Variants in KCNAB1 observed in about 807,000 individuals in gnomAD.
KCNAB1 encodes the protein potassium voltage-gated channel subfamily A regulatory beta subunit 1.
In KCNAB1, 35 loss-of-function variants were observed where a neutral mutation model predicts 64.6. That is an observed-to-expected ratio of 0.54 (90% CI 0.41 to 0.72). KCNAB1 has a LOEUF of 0.72. KCNAB1 is among the 30% of genes least tolerant of loss of function. KCNAB1 has a pLI of 0.00. For missense variants in KCNAB1, 401 were observed against 512.9 expected (o/e 0.78, Z 2.11); for synonymous variants, 177 against 183.8 (o/e 0.96, Z 0.30).
At chr3:156,174,182 G>A (rs1414667784) in intron 1 of KCNAB1, among the ~76,000 whole-genome samples, 1 of 152,112 alleles carries the variant, frequency 6.6e-6, no homozygotes, top group Non-Finnish European at 1.5e-5. Context: ...TACATTTGGG[G>A]ACAAAGATAT....
intron 1 of KCNAB1, chr3:156,142,877 C>T: frequency 1.7e-6 from 1 of 596,706 alleles, no homozygotes. Context: ...TTTTTTTTCC[C>T]CAGGGCCAGT....
intron 1 of KCNAB1, among the ~76,000 whole-genome samples, chr3:156,334,933 C>G (rs547255493): frequency 1.0e-3 from 159 of 152,344 alleles, no homozygotes; most frequent in South Asian, 1.7e-3. Context: ...ATACTGCCAT[C>G]ATTGCACTGG....
At chr3:156,194,370 T>A (rs928435783) in intron 1 of KCNAB1, among the ~76,000 whole-genome samples, 18 of 152,152 alleles carry the variant, frequency 1.2e-4, no homozygotes, top group Non-Finnish European at 2.2e-4. Flanking sequence ...AATTACAGAT[T>A]GAAAAGTTTT....
At chr3:156,529,278 A>G (rs759090103) in intron 12 of KCNAB1, among the ~76,000 whole-genome samples, 5 of 152,210 alleles carry the variant, frequency 3.3e-5, no homozygotes, top group Non-Finnish European at 7.3e-5. Flanking sequence ...AATGTCCAGA[A>G]AAGACAAATC....
chr3:156,152,649 G>A (rs1321795256), intron 1 of KCNAB1, among the ~76,000 whole-genome samples: 1 of 152,174 alleles, frequency 6.6e-6, no homozygotes, highest in Admixed American at 6.5e-5. Flanking sequence ...GTAGAGTGTG[G>A]GTGTAAAATG....
chr3:156,336,627 T>C (rs1403758659), intron 1 of KCNAB1, among the ~76,000 whole-genome samples: 4 of 152,242 alleles, frequency 2.6e-5, no homozygotes, highest in African/African-American at 9.6e-5. Flanking sequence ...TTTGTACATA[T>C]GTGTTCATGG....
At chr3:156,302,707 C>T (rs1380632929) in intron 1 of KCNAB1, among the ~76,000 whole-genome samples, 1 of 152,168 alleles carries the variant, frequency 6.6e-6, no homozygotes, top group Non-Finnish European at 1.5e-5. Flanking sequence ...CTTCCCTCAG[C>T]CCCTCACTAA....
At chr3:156,262,339 A>G (rs200454997) in intron 1 of KCNAB1, among the ~76,000 whole-genome samples, 1 of 151,820 alleles carries the variant, frequency 6.6e-6, no homozygotes, top group East Asian at 1.9e-4. Flanking sequence ...TTTCATGGAG[A>G]CACTCTTTCA....
At chr3:156,482,131 C>T (rs1714864676) in intron 8 of KCNAB1, among the ~76,000 whole-genome samples, 1 of 151,650 alleles carries the variant, frequency 6.6e-6, no homozygotes, top group Non-Finnish European at 1.5e-5. Context: ...CCCTTTTTTT[C>T]CTCCTAAAAT....
At position 156,537,033 on chromosome 3, in the gene KCNAB1, G is replaced by A. The variant is rs528346222; in HGVS notation, c.*286G>A. The A allele has an allele frequency of 4.3e-6, 2 of 467,470 alleles. No individual in the cohort carries two copies. The highest frequency in any genetic ancestry group is 7.5e-6 in the Non-Finnish European group (2 of 266,982). 29.0% of individuals were successfully genotyped at this position (467,470 alleles called of 1,614,324 possible). ...CAATGGGAAGAATATGGGGGCCAGG[G>A]GGTGTGGTACTACCTTCAGGCATTT... On this transcript the variant is annotated 3_prime_UTR_variant, in exon 14 of 14. Transcript: ENST00000490337.
intron 1 of KCNAB1, among the ~76,000 whole-genome samples, chr3:156,198,275 G>T (rs977755390): frequency 8.5e-5 from 13 of 152,170 alleles, no homozygotes; most frequent in African/African-American, 2.9e-4. Flanking sequence ...TTGCTTTGGG[G>T]TGGAGAGTTC....
intron 1 of KCNAB1, among the ~76,000 whole-genome samples, chr3:156,412,381 T>TA (rs1378115561): frequency 2.0e-5 from 3 of 152,198 alleles, no homozygotes; most frequent in Admixed American, 1.3e-4. Context: ...CTTATTGTAC[T>TA]ATGACAGTGA....
chr3:156,448,232 C>T (rs1559889511), intron 2 of KCNAB1, among the ~76,000 whole-genome samples: 1 of 152,166 alleles, frequency 6.6e-6, no homozygotes, highest in Non-Finnish European at 1.5e-5. Flanking sequence ...TTAGTAAAAT[C>T]ATCTTGTAAA....
chr3:156,258,073 GA>G (rs889534678), intron 1 of KCNAB1, among the ~76,000 whole-genome samples: 2 of 152,182 alleles, frequency 1.3e-5, no homozygotes, highest in African/African-American at 4.8e-5. Context: ...AAGTACAGAA[GA>G]AAGAGAGTCT....
chr3:156,338,303 C>CTTTTTTTTTTTTTTT (rs34671816), intron 1 of KCNAB1, among the ~76,000 whole-genome samples: 1,233 of 39,418 alleles, frequency 0.031, 338 homozygotes, highest in Non-Finnish European at 0.043. Flanking sequence ...GGCATTTGCA[C>CTTTTTTTTTTTTTTT]TTTTTTTTTT....
chr3:156,425,158 C>T (rs1005457599), intron 2 of KCNAB1, among the ~76,000 whole-genome samples: 1 of 152,196 alleles, frequency 6.6e-6, no homozygotes, highest in East Asian at 1.9e-4. Flanking sequence ...AGCTCAGTCA[C>T]GACCTACGTT....
intron 1 of KCNAB1, among the ~76,000 whole-genome samples, chr3:156,235,631 G>A (rs1716800821): frequency 1.3e-5 from 2 of 152,118 alleles, no homozygotes; most frequent in Admixed American, 1.3e-4. Flanking sequence ...ACCTACCATG[G>A]CATACATTAA....
intron 1 of KCNAB1, among the ~76,000 whole-genome samples, chr3:156,372,734 G>T (rs898092345): frequency 6.6e-6 from 1 of 152,218 alleles, no homozygotes. Flanking sequence ...GAAACAGCGT[G>T]ATGTTTCAGA....
intron 1 of KCNAB1, among the ~76,000 whole-genome samples, chr3:156,135,196 C>G (rs1393247592): frequency 6.6e-6 from 1 of 152,008 alleles, no homozygotes; most frequent in Non-Finnish European, 1.5e-5. Flanking sequence ...AGGGTTTCAT[C>G]ATGTTGGCCA....
Sources: gnomAD v4.1 joint callset for allele counts (sites outside exome capture counted in the v4.1 genomes callset) on GRCh38, gnomAD v4.1.1 for gene constraint, MANE v1.5 for transcripts, NCBI Gene and HGNC (gene_info 2026-07-23, HGNC 2026-07-21) for gene names.